SYT1: variants seen among roughly 807,000 people sequenced by gnomAD.
The protein encoded by SYT1 is synaptotagmin 1, also known as synaptotagmin-1.
In SYT1, 8 loss-of-function variants were observed where a neutral mutation model predicts 44.8. The ratio of observed to expected loss-of-function variants is 0.18; its 90% confidence interval spans 0.10 to 0.32. The LOEUF (loss-of-function observed/expected upper bound fraction) is 0.32. Ranked by LOEUF, SYT1 falls within the 10% of genes least tolerant of loss-of-function variation. SYT1 has a pLI of 1.00. For missense variants in SYT1, 286 were observed against 509.3 expected (o/e 0.56, Z 4.22); for synonymous variants, 154 against 188.8 (o/e 0.82, Z 1.51).
intron 3 of SYT1, among the ~76,000 whole-genome samples, chr12:79,151,488 A>C (rs1041274938): frequency 6.6e-6 from 1 of 152,212 alleles, no homozygotes; most frequent in East Asian, 1.9e-4. Context: ...AAGCTAATAC[A>C]TTTGAAATTG....
At chr12:79,369,571 G>A (rs1883697461) in intron 9 of SYT1, among the ~76,000 whole-genome samples, 1 of 152,172 alleles carries the variant, frequency 6.6e-6, no homozygotes, top group Non-Finnish European at 1.5e-5. Flanking sequence ...ATAAAGATAT[G>A]TTTAGTATTT....
chr12:79,035,026 G>T (rs746173387), intron 2 of SYT1, among the ~76,000 whole-genome samples: 1 of 151,554 alleles, frequency 6.6e-6, no homozygotes, highest in Non-Finnish European at 1.5e-5. Flanking sequence ...TGTCCTTACT[G>T]GTCTTGCATT....
intron 4 of SYT1, among the ~76,000 whole-genome samples, chr12:79,281,507 G>A (rs942609870): frequency 7.2e-5 from 11 of 152,064 alleles, no homozygotes; most frequent in African/African-American, 2.7e-4. Context: ...ATATAGAATG[G>A]TATAATGAAC....
At chr12:79,357,102 A>G (rs1883142258) in intron 9 of SYT1, among the ~76,000 whole-genome samples, 1 of 152,240 alleles carries the variant, frequency 6.6e-6, no homozygotes, top group Non-Finnish European at 1.5e-5. Context: ...CATATGTAAA[A>G]TAATTTTCTT....
At chr12:79,224,714 G>GT in intron 4 of SYT1, among the ~76,000 whole-genome samples, 1 of 137,482 alleles carries the variant, frequency 7.3e-6, no homozygotes, top group East Asian at 2.0e-4. Flanking sequence ...CTGACGGGTG[G>GT]TTTTTTTGTT....
chr12:79,122,513 C>A (rs1384878298), intron 3 of SYT1, among the ~76,000 whole-genome samples: 38 of 65,012 alleles, frequency 5.8e-4, no homozygotes, highest in Non-Finnish European at 5.7e-4. Context: ...GACTCCGTCT[C>A]AAAAAAAAAA....
intron 8 of SYT1, among the ~76,000 whole-genome samples, chr12:79,330,129 A>G (rs1321597166): frequency 1.3e-5 from 2 of 152,166 alleles, no homozygotes; most frequent in Non-Finnish European, 2.9e-5. Flanking sequence ...TTGTGTTTGG[A>G]CATGATTCTG....
At chr12:79,158,025 G>A (rs1027256093) in intron 3 of SYT1, among the ~76,000 whole-genome samples, 5 of 152,050 alleles carry the variant, frequency 3.3e-5, no homozygotes, top group African/African-American at 7.2e-5. Context: ...CATGGAAGAC[G>A]ATTTTTCCAT....
chr12:79,403,533 G>A (rs565333189), intron 9 of SYT1, among the ~76,000 whole-genome samples: 53 of 152,244 alleles, frequency 3.5e-4, no homozygotes, highest in African/African-American at 1.2e-3. Flanking sequence ...TAAAGACATT[G>A]TCTCCAAATA....
chr12:79,412,890 G>A (rs1306454995), intron 9 of SYT1, among the ~76,000 whole-genome samples: 2 of 151,962 alleles, frequency 1.3e-5, no homozygotes, highest in Non-Finnish European at 2.9e-5. Flanking sequence ...CGATTCAATA[G>A]ACCAAAACAT....
chr12:79,015,303 A>G (rs1565763453), intron 2 of SYT1, among the ~76,000 whole-genome samples: 1 of 152,174 alleles, frequency 6.6e-6, no homozygotes. Flanking sequence ...CTTGCACTCT[A>G]ATATAAGCTT....
intron 1 of SYT1, among the ~76,000 whole-genome samples, chr12:78,912,283 T>C (rs1055726567): frequency 5.3e-5 from 8 of 151,818 alleles, no homozygotes; most frequent in Admixed American, 4.0e-4. Flanking sequence ...TACAAGGCAC[T>C]AGATGATAAA....
At chr12:78,951,999 A>G (rs1202495360) in intron 1 of SYT1, among the ~76,000 whole-genome samples, 5 of 152,254 alleles carry the variant, frequency 3.3e-5, no homozygotes, top group Middle Eastern at 3.4e-3. Context: ...GGATAAACAG[A>G]AAAGACTCCC....
chr12:79,061,746 A>C (rs1875403709), intron 3 of SYT1, among the ~76,000 whole-genome samples: 1 of 152,148 alleles, frequency 6.6e-6, no homozygotes, highest in African/African-American at 2.4e-5. Context: ...ACTTCCTTCC[A>C]TGCTGGTTTT....
At chr12:78,976,418 C>T (rs1207588470) in intron 1 of SYT1, among the ~76,000 whole-genome samples, 20 of 152,172 alleles carry the variant, frequency 1.3e-4, no homozygotes. Context: ...TTCCTTTAAA[C>T]TAAGGACTTA....
At chr12:79,337,678 A>G (rs1565914793) in intron 8 of SYT1, among the ~76,000 whole-genome samples, 1 of 152,192 alleles carries the variant, frequency 6.6e-6, no homozygotes, top group Non-Finnish European at 1.5e-5. Context: ...GTACTAAACA[A>G]TGCCTTCCAA....
chr12:79,121,434 G>T (rs1879594754), intron 3 of SYT1, among the ~76,000 whole-genome samples: 1 of 152,162 alleles, frequency 6.6e-6, no homozygotes, highest in Admixed American at 6.5e-5. Context: ...TGTAGGGAAA[G>T]CTTTCAGTAA....
chr12:79,297,093 A>G (rs1879912096), intron 7 of SYT1, among the ~76,000 whole-genome samples: 1 of 152,232 alleles, frequency 6.6e-6, no homozygotes. Context: ...TTCTGGGATG[A>G]AATAAATTGA....
intron 2 of SYT1, among the ~76,000 whole-genome samples, chr12:78,982,584 G>A (rs1047566823): frequency 1.3e-5 from 2 of 152,144 alleles, no homozygotes; most frequent in African/African-American, 4.8e-5. Context: ...CAATGCCTGT[G>A]TTGAGTTACC....
Sources: allele counts gnomAD v4.1 joint callset (sites outside exome capture counted in the v4.1 genomes callset), GRCh38; gene constraint gnomAD v4.1.1; transcripts MANE v1.5; gene names NCBI Gene and HGNC (gene_info 2026-07-23, HGNC 2026-07-21).